Variants in ANKMY1 observed in about 807,000 individuals in gnomAD.
The protein encoded by ANKMY1 is ankyrin repeat and MYND domain containing 1.
In ANKMY1, 98 loss-of-function variants were observed where a neutral mutation model predicts 102.0. The observed-to-expected ratio is 0.96, with a 90% CI of 0.82 to 1.14. The LOEUF (loss-of-function observed/expected upper bound fraction) is 1.14. Among genes scored for constraint, ANKMY1 ranks in the 50% most tolerant of loss-of-function variants. ANKMY1 has a pLI of 0.00. For synonymous variants in ANKMY1, 582 were observed against 559.9 expected, an observed-to-expected ratio of 1.04 and a Z score of -0.56; for missense variants, 1,330 against 1,347.6, an observed-to-expected ratio of 0.99 and a Z score of 0.20.
chr2:240,515,993 G>C (rs2081133262), intron 9 of ANKMY1, among the ~76,000 whole-genome samples: 1 of 151,766 alleles, frequency 6.6e-6, no homozygotes, highest in Non-Finnish European at 1.5e-5. Flanking sequence ...CAAAGTGCTG[G>C]GATTACAGGC....
chr2:240,481,598 G>T (rs1392501508), intron 16 of ANKMY1, among the ~76,000 whole-genome samples: 1 of 152,196 alleles, frequency 6.6e-6, no homozygotes, highest in East Asian at 1.9e-4. Flanking sequence ...CACCTCGATG[G>T]GTTGCTCAGG....
chr2:240,480,977 G>A lies in ANKMY1; in HGVS notation c.3006C>T (p.Thr1002=), dbSNP rs377463497. ...CSKYCKTKAW[T]EFHKKDCGDL... ...CCCCGCAGTCCTTCTTGTGGAACTC[G>A]GTCCAGGCCTTGGTCTTGCAGTACT... is the stretch of plus-strand genomic sequence containing the variant. The change falls in exon 17 of 18, where the codon ACC becomes ACT. Residue 1002 remains threonine, a synonymous_variant. Coordinates refer to ENST00000401804, the MANE Select transcript of ANKMY1 (RefSeq NM_001282771.3). 4.3e-6 allele frequency: 7 copies of A among 1,612,958 alleles called. No individual in the cohort carries two copies. Among genetic ancestry groups the A allele is most frequent in the African/African-American group, 4.0e-5 (3 of 74,932 alleles).
At chr2:240,534,614 T>C (rs1453905969) in intron 4 of ANKMY1, among the ~76,000 whole-genome samples, 1 of 152,058 alleles carries the variant, frequency 6.6e-6, no homozygotes, top group Non-Finnish European at 1.5e-5. Context: ...AGATGATCAC[T>C]TCATCATAAT....
intron 10 of ANKMY1, among the ~76,000 whole-genome samples, chr2:240,512,225 T>G (rs1011276668): frequency 6.6e-6 from 1 of 152,182 alleles, no homozygotes; most frequent in African/African-American, 2.4e-5. Context: ...TGCCCTCCCC[T>G]CCCACGTCCC....
At chr2:240,476,798 T>C (rs942108561), downstream of ANKMY1, among the ~76,000 whole-genome samples, 1 of 152,232 alleles carries the variant, frequency 6.6e-6, no homozygotes, top group East Asian at 1.9e-4. Flanking sequence ...GGTGAGAATC[T>C]GGGCAAAGGC....
chr2:240,513,703 T>C (rs1367432321), intron 9 of ANKMY1, among the ~76,000 whole-genome samples: 1 of 152,218 alleles, frequency 6.6e-6, no homozygotes, highest in Non-Finnish European at 1.5e-5. Flanking sequence ...ACATGGCACC[T>C]GAGGCAGAGG....
At position 240,529,133 on chromosome 2, in the gene ANKMY1, T is replaced by C. The variant is rs776699679; in HGVS notation, c.857A>G (p.Asn286Ser). 2.2e-5 allele frequency: 35 copies of C among 1,614,050 alleles called. No homozygotes were observed. Among genetic ancestry groups the C allele is most frequent in the East Asian group, 1.6e-4 (7 of 44,882 alleles). The stretch of plus-strand genomic sequence containing the variant: ...ATCCTCAACGAACGGAGGAATTTCA[T>C]TGAGGAAGATGCGGGCGTCCAGCTC... ...RKELDARIFL[N>S]EIPPFVEDGE... Residue 286 changes from asparagine to serine, a missense_variant, in exon 5 of 18, where the codon AAT becomes AGT. Physicochemically the swap from Asn to Ser is conservative, Grantham distance 46. Transcript: ENST00000401804. This position sits in a 1 kb window ranked among gnomAD's most constrained non-coding sequence, Gnocchi z 4.2.
chr2:240,548,332 C>G (rs2090848909), intron 4 of ANKMY1, among the ~76,000 whole-genome samples: 1 of 152,174 alleles, frequency 6.6e-6, no homozygotes, highest in African/African-American at 2.4e-5. Flanking sequence ...GCTAAAAACT[C>G]TCAATAAATT....
At chr2:240,554,046 C>G (rs2091974427) in intron 3 of ANKMY1, 1 of 152,320 alleles carries the variant, frequency 6.6e-6, no homozygotes, top group South Asian at 2.1e-4. Context: ...AGACCTGACC[C>G]CGACGTGAAG....
chr2:240,520,330 T>C lies in ANKMY1; in HGVS notation c.2004+32A>G, dbSNP rs1575113470. 6.6e-7 allele frequency: 1 copy of C among 1,510,348 alleles called. No homozygotes were observed. Among genetic ancestry groups the C allele is most frequent in the Non-Finnish European group, 8.9e-7 (1 of 1,124,012 alleles). The allele number at this position is 1,510,348 out of a possible 1,614,324, so 93.6% of individuals were successfully genotyped here. A position where few individuals can be genotyped will look rare whatever the true frequency, so the allele number is the denominator to read the frequency against. ...GCCAGTGCCCGGGAGTCTGCTGCGC[T>C]CGTCCCGGCGCCCGCCCGCCGCGGC... On this transcript the variant is annotated intron_variant, in intron 9 of 17. Transcript: ENST00000401804. This position sits in a 1 kb window ranked among gnomAD's most constrained non-coding sequence, Gnocchi z 4.8.
At chr2:240,549,521 A>G (rs575329747) in intron 4 of ANKMY1, among the ~76,000 whole-genome samples, 1 of 152,358 alleles carries the variant, frequency 6.6e-6, no homozygotes, top group African/African-American at 2.4e-5. Flanking sequence ...AATGGGATCT[A>G]ATTAAATTAA....
chr2:240,489,040 T>C (rs1456484476), intron 15 of ANKMY1, among the ~76,000 whole-genome samples: 1 of 152,236 alleles, frequency 6.6e-6, no homozygotes, highest in East Asian at 1.9e-4. Flanking sequence ...AACCTTGTCT[T>C]ATTACAGTTC....
At chr2:240,547,849 G>C (rs530810715) in intron 4 of ANKMY1, among the ~76,000 whole-genome samples, 1 of 149,070 alleles carries the variant, frequency 6.7e-6, no homozygotes, top group Non-Finnish European at 1.5e-5. Flanking sequence ...AATAACAGGA[G>C]CTGAAATTGT....
chr2:240,542,420 C>T (rs533209445), intron 4 of ANKMY1, among the ~76,000 whole-genome samples: 27 of 152,012 alleles, frequency 1.8e-4, no homozygotes, highest in Admixed American at 7.2e-4. Context: ...CAGAGAATCA[C>T]TTGAACCTGG....
chr2:240,530,634 C>T (rs987111785), intron 4 of ANKMY1, among the ~76,000 whole-genome samples: 3 of 152,156 alleles, frequency 2.0e-5, no homozygotes, highest in Non-Finnish European at 4.4e-5. Flanking sequence ...TATTTCTTTG[C>T]GGCAACGTGA....
Position 240,528,356 on chromosome 2 carries a change from G to A in ANKMY1, c.953+681C>T, listed in dbSNP as rs952553799. ...AGTGGCTGACTTTTCTGGAGCTCTG[G>A]GTAGGGTAGGAGGGTTTTTGGAAGA... On this transcript the variant is annotated intron_variant, in intron 5 of 17. Coordinates refer to ENST00000401804, the MANE Select transcript of ANKMY1 (RefSeq NM_001282771.3). 3.3e-4 allele frequency among the ~76,000 whole-genome samples: 48 copies of A among 146,088 alleles called. 3 individuals are homozygous for A. The Admixed American group carries it at 3.4e-3, about 10-fold the overall frequency.
chr2:240,544,600 G>A (rs1400793149), intron 4 of ANKMY1, among the ~76,000 whole-genome samples: 1 of 152,220 alleles, frequency 6.6e-6, no homozygotes. Context: ...GAGGTACCGG[G>A]TTCATCTCAC....
chr2:240,507,916 G>T, intron 12 of ANKMY1: 1 of 425,128 alleles, frequency 2.4e-6, no homozygotes, highest in Non-Finnish European at 4.1e-6. Context: ...TGGTCTGTTA[G>T]GGAGGAGCTG....
At chr2:240,470,021 TTACA>T in the ANKMY1 span, among the ~76,000 whole-genome samples, 3 of 152,288 alleles carry the variant, frequency 2.0e-5, no homozygotes, top group East Asian at 3.9e-4. Flanking sequence ...CATGCACACA[TTACA>T]TACATGCACA....
Sources: allele counts gnomAD v4.1 joint callset (sites outside exome capture counted in the v4.1 genomes callset), GRCh38; gene constraint gnomAD v4.1.1; non-coding constraint Gnocchi (gnomAD v3.1); transcripts MANE v1.5; gene names NCBI Gene and HGNC (gene_info 2026-07-23, HGNC 2026-07-21).